The following DPYD variants were observed in gnomAD, a reference collection of about 807,000 sequenced individuals.
DPYD encodes dihydropyrimidine dehydrogenase.
Under a neutral mutation model 116.2 loss-of-function variants are expected in DPYD, and 109 were observed. That is an observed-to-expected ratio of 0.94 (90% CI 0.80 to 1.10). DPYD has a LOEUF of 1.10. DPYD is among the 50% of genes least tolerant of loss of function. The pLI is 0.00. For missense variants in DPYD, 1,302 were observed against 1,254.5 expected (o/e 1.04, Z -0.57); for synonymous variants, 440 against 432.0 (o/e 1.02, Z -0.23).
intron 21 of DPYD, 38 bp downstream of exon 21, chr1:97,098,451 T>C: frequency 6.3e-7 from 1 of 1,598,912 alleles, no homozygotes; most frequent in Non-Finnish European, 8.6e-7. Flanking sequence ...ATTTAACCAG[T>C]AAAGTAGGCA....
At chr1:97,723,545 A>G (rs1160980941) in intron 4 of DPYD, among the ~76,000 whole-genome samples, 2 of 151,538 alleles carry the variant, frequency 1.3e-5, no homozygotes, top group East Asian at 1.9e-4. Flanking sequence ...TACACTTTAT[A>G]TTAAGTAGTT....
intron 8 of DPYD, among the ~76,000 whole-genome samples, chr1:97,666,068 AAAAT>A (rs1659541450): frequency 6.6e-6 from 1 of 152,220 alleles, no homozygotes; most frequent in Admixed American, 6.5e-5. Context: ...ATTGATGTGA[AAAAT>A]AAAACCATTC....
chr1:97,902,905 G>A lies in DPYD; in HGVS notation c.39+17979C>T, dbSNP rs372214536. 1.1e-4 allele frequency among the ~76,000 whole-genome samples: 17 copies of A among 151,912 alleles called. No individual in the cohort carries two copies. In the East Asian group the frequency reaches 1.4e-3, roughly 12 times the overall value. ...GCAATAACTTCCAGGTGTTTAGAAA[G>A]AGGTACCTCCCAACACTACATAGTT... On this transcript the variant is annotated intron_variant, in intron 1 of 22. Transcript: ENST00000370192.
intron 14 of DPYD, among the ~76,000 whole-genome samples, chr1:97,444,781 C>T (rs1570744297): frequency 6.6e-6 from 1 of 152,188 alleles, no homozygotes; most frequent in Non-Finnish European, 1.5e-5. Flanking sequence ...AGGTTCTTAA[C>T]CGGCGGTCCA....
intron 3 of DPYD, among the ~76,000 whole-genome samples, chr1:97,813,897 C>G (rs938421681): frequency 1.5e-5 from 2 of 137,898 alleles, no homozygotes; most frequent in Admixed American, 8.0e-5. Flanking sequence ...ATCCCATGGC[C>G]TAGATAGGAA....
intron 12 of DPYD, among the ~76,000 whole-genome samples, chr1:97,538,015 C>G (rs1570923179): frequency 6.7e-6 from 1 of 149,550 alleles, no homozygotes; most frequent in Admixed American, 6.7e-5. Flanking sequence ...TGCAGTGAGC[C>G]AAGATCGTGC....
chr1:97,499,396 G>C (rs1288209224), intron 13 of DPYD, among the ~76,000 whole-genome samples: 1 of 151,516 alleles, frequency 6.6e-6, no homozygotes, highest in African/African-American at 2.4e-5. Context: ...TAGTATTTTA[G>C]AACATTGAAA....
chr1:97,644,599 GT>G (rs957742853), intron 8 of DPYD, among the ~76,000 whole-genome samples: 9 of 149,726 alleles, frequency 6.0e-5, no homozygotes, highest in Non-Finnish European at 1.3e-4. Context: ...CAGCTAGCTT[GT>G]TTTTTGTTTT....
At chr1:97,685,555 C>G (rs1007394703) in intron 7 of DPYD, among the ~76,000 whole-genome samples, 2 of 152,156 alleles carry the variant, frequency 1.3e-5, no homozygotes, top group African/African-American at 4.8e-5. Flanking sequence ...GTCGAACTGC[C>G]TGTTTGCAGA....
intron 3 of DPYD, among the ~76,000 whole-genome samples, chr1:97,758,868 C>A (rs1282151728): frequency 6.6e-6 from 1 of 152,140 alleles, no homozygotes; most frequent in South Asian, 2.1e-4. Context: ...TGGTCTGGAG[C>A]CAGAAAATAA....
At chr1:97,373,994 G>T (rs1444645697) in intron 15 of DPYD, among the ~76,000 whole-genome samples, 1 of 152,188 alleles carries the variant, frequency 6.6e-6, no homozygotes, top group African/African-American at 2.4e-5. Context: ...GACAAGCTTA[G>T]TTATTAGGTG....
chr1:97,308,895 A>G (rs1357489014), intron 16 of DPYD, among the ~76,000 whole-genome samples: 2 of 151,876 alleles, frequency 1.3e-5, no homozygotes, highest in Non-Finnish European at 2.9e-5. Flanking sequence ...TTACCAATAC[A>G]TACAAGGAGA....
At chr1:97,721,438 G>T (rs899946436) in intron 5 of DPYD, 72 bp downstream of exon 5, 11 of 1,575,948 alleles carry the variant, frequency 7.0e-6, no homozygotes, top group East Asian at 2.2e-5. Flanking sequence ...GAGCACCAAG[G>T]ATTAAAGTTA....
intron 2 of DPYD, among the ~76,000 whole-genome samples, chr1:97,850,654 C>A (rs928757987): frequency 3.9e-5 from 6 of 151,994 alleles, no homozygotes. Flanking sequence ...GCTGTGCAAT[C>A]ATGACAGATA....
chr1:97,916,051 T>G (rs1674194459), intron 1 of DPYD, among the ~76,000 whole-genome samples: 1 of 152,332 alleles, frequency 6.6e-6, no homozygotes, highest in Non-Finnish European at 1.5e-5. Context: ...TGCCAGTTTA[T>G]ACAGAGTTTG....
intron 20 of DPYD, among the ~76,000 whole-genome samples, chr1:97,158,403 T>G (rs1282373813): frequency 1.3e-5 from 2 of 151,268 alleles, no homozygotes; most frequent in African/African-American, 2.4e-5. Context: ...GATAGATGAT[T>G]TTTGAAGATT....
intron 10 of DPYD, among the ~76,000 whole-genome samples, chr1:97,587,427 T>C (rs1385420295): frequency 6.6e-6 from 1 of 152,190 alleles, no homozygotes; most frequent in African/African-American, 2.4e-5. Flanking sequence ...TTTTAGTAAA[T>C]AAAATTAAAT....
chr1:97,165,344 G>C (rs528690046), intron 20 of DPYD, among the ~76,000 whole-genome samples: 1 of 152,050 alleles, frequency 6.6e-6, no homozygotes, highest in African/African-American at 2.4e-5. Context: ...CTCCCTGTTC[G>C]ATAAATGATG....
intron 3 of DPYD, among the ~76,000 whole-genome samples, chr1:97,820,349 A>G (rs1668858967): frequency 6.6e-6 from 1 of 152,170 alleles, no homozygotes; most frequent in Non-Finnish European, 1.5e-5. Context: ...ATGTCTTGGT[A>G]TCTCTTTTCG....
Sources: gnomAD v4.1 joint callset for allele counts (sites outside exome capture counted in the v4.1 genomes callset) on GRCh38, gnomAD v4.1.1 for gene constraint, MANE v1.5 for transcripts, NCBI Gene and HGNC (gene_info 2026-07-23, HGNC 2026-07-21) for gene names.